SHANK2: variants seen among roughly 807,000 people sequenced by gnomAD.
SHANK2 encodes the protein SH3 and multiple ankyrin repeat domains protein 2.
A neutral mutation model predicts 133.7 loss-of-function variants in SHANK2; 43 were observed. That is an observed-to-expected ratio of 0.32 (90% confidence interval 0.25 to 0.41). The LOEUF is 0.41. Among genes scored for constraint, SHANK2 ranks in the 10% least tolerant of loss-of-function variants. The pLI, the probability that SHANK2 is intolerant of heterozygous loss-of-function variation, is 1.00. For synonymous variants in SHANK2, 1,017 were observed against 952.8 expected, an observed-to-expected ratio of 1.07 and a Z score of -1.24; for missense variants, 1,994 against 2,235.8, an observed-to-expected ratio of 0.89 and a Z score of 2.18.
chr11:70,502,736 C>CGCG, intron 18 of SHANK2, 60 bp downstream of exon 18: 1 of 462,550 alleles, frequency 2.2e-6, no homozygotes, highest in Non-Finnish European at 3.3e-6. Flanking sequence ...GTCCTGCCCG[C>CGCG]CCCCACCCCC....
chr11:70,836,522 C>T (rs887902375), intron 11 of SHANK2, among the ~76,000 whole-genome samples: 1 of 152,234 alleles, frequency 6.6e-6, no homozygotes, highest in Non-Finnish European at 1.5e-5. Flanking sequence ...ACCTCTACAT[C>T]GTTCCTGTTG....
chr11:70,867,541 C>G (rs1949386394), intron 11 of SHANK2, among the ~76,000 whole-genome samples: 1 of 152,232 alleles, frequency 6.6e-6, no homozygotes. Context: ...CCTTCACAAC[C>G]TCGCTGCCCC....
At chr11:70,717,435 A>G (rs1945962264) in intron 14 of SHANK2, among the ~76,000 whole-genome samples, 1 of 152,220 alleles carries the variant, frequency 6.6e-6, no homozygotes. Context: ...ATCTGAGGCT[A>G]TATCTTTATT....
intron 10 of SHANK2, among the ~76,000 whole-genome samples, chr11:70,900,395 A>C (rs1340883820): frequency 6.6e-6 from 1 of 152,004 alleles, no homozygotes; most frequent in Non-Finnish European, 1.5e-5. Flanking sequence ...AATGATGACT[A>C]TGTCTTCAAA....
chr11:70,660,967 C>A (rs747582293), intron 16 of SHANK2, among the ~76,000 whole-genome samples: 4 of 152,234 alleles, frequency 2.6e-5, no homozygotes, highest in African/African-American at 4.8e-5. Flanking sequence ...GGGGAAGCTG[C>A]GCGTGCAGGG....
rs73539420 is a variant in SHANK2 at position 71,210,040 on chromosome 11, G to A, written c.-13+14657C>T. On this transcript the variant is annotated intron_variant, in intron 2 of 25. Transcript: ENST00000601538. The stretch of plus-strand genomic sequence containing the variant: ...ACTCATCAGATGCTCAAACGAGTCC[G>A]TGACCCCAAAATGTGAAGAACAGAA... 2.9e-3 allele frequency among the ~76,000 whole-genome samples: 440 copies of A among 151,272 alleles called. 2 individuals carry two copies. Among genetic ancestry groups the A allele is most frequent in the African/African-American group, 0.01 (425 of 41,158 alleles).
At position 71,188,495 on chromosome 11, in the gene SHANK2, A is replaced by G. The variant is rs533895508; in HGVS notation, c.-13+36202T>C. On this transcript the variant is annotated intron_variant, in intron 2 of 25. Coordinates refer to ENST00000601538, the MANE Select transcript of SHANK2 (RefSeq NM_012309.5). This position sits in a 1 kb window ranked among gnomAD's most constrained non-coding sequence, Gnocchi z 4.6. Reference sequence around the variant, plus strand: ...GCGCAAGGGAACAGGAAAACACTGCAAATATTTACAGTGGACGTACGAAAA... The same window carrying G: ...GCGCAAGGGAACAGGAAAACACTGCGAATATTTACAGTGGACGTACGAAAA... Among the ~76,000 whole-genome samples, 1 of 152,322 alleles carries G rather than the reference A, an allele frequency of 6.6e-6. No homozygotes were observed. The highest frequency in any genetic ancestry group is 1.9e-4 in the East Asian group (1 of 5,182).
chr11:70,563,936 T>C (rs2059938104), intron 17 of SHANK2, among the ~76,000 whole-genome samples: 1 of 152,268 alleles, frequency 6.6e-6, no homozygotes, highest in Non-Finnish European at 1.5e-5. Flanking sequence ...TTCTGTTTTT[T>C]CTTCTCTTTC....
chr11:70,539,536 G>GCCACGCTCACTCACCATACTCA (rs2059590049), intron 17 of SHANK2, among the ~76,000 whole-genome samples: 1 of 91,886 alleles, frequency 1.1e-5, no homozygotes, highest in African/African-American at 3.5e-5. Flanking sequence ...ACGCTCACTC[G>GCCACGCTCACTCACCATACTCA]CCACGCTCAC....
At chr11:71,143,432 T>C (rs1282982617) in intron 3 of SHANK2, among the ~76,000 whole-genome samples, 3 of 152,232 alleles carry the variant, frequency 2.0e-5, no homozygotes, top group African/African-American at 7.2e-5. Flanking sequence ...GGTTTCAGCC[T>C]GCCCGATGCG....
At position 70,502,209 on chromosome 11, in the gene SHANK2, G is replaced by C; in HGVS notation, c.2275C>G (p.Leu759Val). Residue 759 changes from leucine (L) to valine (V), a missense_variant, in exon 19 of 26, where the codon CTC (leucine) becomes GTC (valine). Around this residue, in one of 5 missense-constraint regions of SHANK2, gnomAD observed 488 missense variants for 642.6 expected, o/e 0.76. Coordinates refer to ENST00000601538, the MANE Select transcript of SHANK2 (RefSeq NM_012309.5). ...CTGGGCCGGGTGTGCGACTTACCGA[G>C]CTCCTCCAGCTCCGAGGTCATGGAC... ...SKSMTSELEE[L>V]VDKASVRKKK... is the part of the protein sequence containing the mutation. 1.9e-6 allele frequency: 3 copies of C among 1,556,038 alleles called. No homozygotes were observed. The highest frequency in any genetic ancestry group is 2.6e-6 in the Non-Finnish European group (3 of 1,149,032).
At chr11:70,561,360 C>T (rs1008104780) in intron 17 of SHANK2, among the ~76,000 whole-genome samples, 1 of 151,930 alleles carries the variant, frequency 6.6e-6, no homozygotes, top group African/African-American at 2.4e-5. Flanking sequence ...GCCATGTTGC[C>T]CGGGCTGGTC....
intron 14 of SHANK2, among the ~76,000 whole-genome samples, chr11:70,777,162 C>T (rs1232854419): frequency 6.6e-6 from 1 of 151,176 alleles, no homozygotes; most frequent in African/African-American, 2.4e-5. Context: ...TATCCATCCA[C>T]TCACTCACTC....
At chr11:70,611,966 G>T (rs11606924) in intron 17 of SHANK2, among the ~76,000 whole-genome samples, 16,505 of 142,896 alleles carry the variant, frequency 0.12, 1,390 homozygotes, top group African/African-American at 0.27. Context: ...GTGGGGGAGG[G>T]GGGGCGGGTG....
chr11:70,901,697 C>G (rs56748833), intron 10 of SHANK2, among the ~76,000 whole-genome samples: 1 of 152,154 alleles, frequency 6.6e-6, no homozygotes, highest in Non-Finnish European at 1.5e-5. Context: ...CCCTTACCCC[C>G]ACAGGATGTA....
intron 17 of SHANK2, among the ~76,000 whole-genome samples, chr11:70,564,284 A>T: frequency 6.7e-6 from 1 of 149,600 alleles, no homozygotes; most frequent in African/African-American, 2.5e-5. Flanking sequence ...TTTGAGATGG[A>T]GTCTCACCCT....
At chr11:70,514,163 T>G (rs759698443) in intron 17 of SHANK2, among the ~76,000 whole-genome samples, 26 of 152,138 alleles carry the variant, frequency 1.7e-4, no homozygotes, top group Non-Finnish European at 3.4e-4. Flanking sequence ...TAAATAAAAA[T>G]GACTGAATGA....
chr11:70,653,628 T>C (rs1385530756), intron 17 of SHANK2, among the ~76,000 whole-genome samples: 1 of 151,708 alleles, frequency 6.6e-6, no homozygotes, highest in African/African-American at 2.4e-5. Flanking sequence ...GATCAGTCAT[T>C]AGGCTTGCTG....
intron 12 of SHANK2, among the ~76,000 whole-genome samples, chr11:70,809,975 A>T (rs782106529): frequency 6.6e-6 from 1 of 152,216 alleles, no homozygotes; most frequent in African/African-American, 2.4e-5. Context: ...TGGGCACAAT[A>T]TGGAGCCCAC....
Sources: allele counts gnomAD v4.1 joint callset (sites outside exome capture counted in the v4.1 genomes callset), GRCh38; gene constraint gnomAD v4.1.1; regional missense constraint gnomAD v4.1.1; non-coding constraint Gnocchi (gnomAD v3.1); transcripts MANE v1.5; gene names NCBI Gene and HGNC (gene_info 2026-07-23, HGNC 2026-07-21).